ING5: variants seen among roughly 807,000 people sequenced by gnomAD.
The protein encoded by ING5 is inhibitor of growth family member 5.
ING5 carries 17 observed loss-of-function variants against 37.4 expected under a neutral mutation model. The ratio of observed to expected loss-of-function variants is 0.45; its 90% CI spans 0.31 to 0.68. The LOEUF (loss-of-function observed/expected upper bound fraction) is 0.68. Among genes scored for constraint, ING5 ranks in the 30% least tolerant of loss-of-function variants. ING5 has a pLI of 0.05. For synonymous variants in ING5, 123 were observed against 116.6 expected (o/e 1.06, Z -0.36); for missense variants, 233 against 311.9 (o/e 0.75, Z 1.91).
chr2:241,710,903 G>A (rs974814773), intron 3 of ING5, among the ~76,000 whole-genome samples: 12 of 151,876 alleles, frequency 7.9e-5, no homozygotes, highest in African/African-American at 2.4e-4. Context: ...GTGAGCCACC[G>A]CGCCTGCCCT....
At chr2:241,696,843 G>A (rs2069636818) in intron 2 of ING5, among the ~76,000 whole-genome samples, 2 of 152,108 alleles carry the variant, frequency 1.3e-5, no homozygotes. Context: ...CAGCACTTTG[G>A]GAGGCCGAGG....
At chr2:241,724,649 G>A (rs1160111597) in intron 7 of ING5, 1 of 363,026 alleles carries the variant, frequency 2.8e-6, no homozygotes, top group East Asian at 5.6e-5. Flanking sequence ...CGCGTGCTTG[G>A]TACCTGCAGC....
chr2:241,709,432 C>T, intron 3 of ING5, 50 bp downstream of exon 3: 1 of 1,525,194 alleles, frequency 6.6e-7, no homozygotes, highest in Non-Finnish European at 8.9e-7. Flanking sequence ...CTACTCCTGC[C>T]TCTCATGCAA....
At chr2:241,687,607 A>T (rs969727680) in exon 1 of ING5, 2 of 336,022 alleles carry the variant, frequency 6.0e-6, no homozygotes, top group African/African-American at 4.3e-5. Context: ...TGCTCACTGC[A>T]ACCTCCGCCT....
rs1322172970 is a variant in ING5 at position 241,725,000 on chromosome 2, G to A, written c.692G>A (p.Arg231Gln). The change falls in exon 8 of 8, where the codon CGG becomes CAG. Residue 231 changes from arginine (R) to glutamine (Q), a missense_variant. Transcript: ENST00000313552. ...CTTTCTTGTCACAGGTTCTGTCCAC[G>A]GTGTGTCCAGGAAAAGAGGAAGAAG... Reference protein sequence around the residue: ...TKPKGKWFCPRCVQEKRKKK With the variant: ...TKPKGKWFCPQCVQEKRKKK 1 of 1,614,108 alleles carries A rather than the reference G, an allele frequency of 6.2e-7. No homozygotes were observed. The highest frequency in any genetic ancestry group is 1.7e-5 in the Admixed American group (1 of 60,026).
intron 5 of ING5, among the ~76,000 whole-genome samples, chr2:241,714,032 G>C (rs1219720720): frequency 6.6e-6 from 1 of 151,718 alleles, no homozygotes; most frequent in Non-Finnish European, 1.5e-5. Flanking sequence ...TTGTAAAGTA[G>C]TGCACAGATA....
At position 241,713,159 on chromosome 2, in the gene ING5, C is replaced by T. The variant is rs186036748; in HGVS notation, c.482+1088C>T. Among the ~76,000 whole-genome samples the T allele has an allele frequency of 2.9e-4, 44 of 150,766 alleles. 1 individual carries two copies. The East Asian group carries it at 5.6e-3, about 19-fold the overall frequency. ...GCAACCTCTGCCTCCCAGGTTCAAG[C>T]GATTCTCCTGCCTCACCCTCCTGGA... On this transcript the variant is annotated intron_variant, in intron 5 of 7. Transcript: ENST00000313552.
At position 241,704,650 on chromosome 2, in the gene ING5, C is replaced by T. The variant is rs1400851954; in HGVS notation, c.38-3C>T. 1 of 1,613,594 alleles carries T rather than the reference C, an allele frequency of 6.2e-7. No individual in the cohort carries two copies. The highest frequency in any genetic ancestry group is 8.5e-7 in the Non-Finnish European group (1 of 1,179,528). On this transcript the variant is annotated splice_polypyrimidine_tract_variant and splice_region_variant and intron_variant, in intron 1 of 7. Coordinates refer to ENST00000313552, the MANE Select transcript of ING5 (RefSeq NM_032329.6). ...ACATGGCTTCTGTGTTTTTGCGTTT[C>T]AGGTATCGAGAACCTTCCCTGCGAA...
rs1240775642 is a variant in ING5 at position 241,725,664 on chromosome 2, C to A, written c.*633C>A. 6.6e-6 allele frequency: 1 copy of A among 152,654 alleles called. No individual in the cohort carries two copies. The highest frequency in any genetic ancestry group is 1.5e-5 in the Non-Finnish European group (1 of 68,044). 9.5% of individuals were successfully genotyped at this position (152,654 alleles called of 1,614,324 possible). ...ACTTCAGTCCTCCCTCGGGGACTCA[C>A]CTCCGGAGTAAACGGCTCTTCATTA... On this transcript the variant is annotated 3_prime_UTR_variant, in exon 8 of 8. Transcript: ENST00000313552.
At chr2:241,710,254 C>A (rs984874246) in intron 3 of ING5, among the ~76,000 whole-genome samples, 1 of 151,232 alleles carries the variant, frequency 6.6e-6, no homozygotes, top group Non-Finnish European at 1.5e-5. Flanking sequence ...TTACAGTCAC[C>A]CACCACGAAG....
rs1315569896 is a variant in ING5 at position 241,728,621 on chromosome 2, G to A, written c.*3590G>A. The A allele has an allele frequency of 2.6e-5, 4 of 152,570 alleles. No individual in the cohort carries two copies. Among genetic ancestry groups the A allele is most frequent in the Admixed American group, 6.5e-5 (1 of 15,282 alleles). 9.5% of individuals were successfully genotyped at this position (152,570 alleles called of 1,614,324 possible). On this transcript the variant is annotated 3_prime_UTR_variant, in exon 8 of 8. Transcript: ENST00000313552. ...GAATGTGCCCTAGGTGCTGCTGCTGGGGACATGGATGCCAAGCGGAGGCCT... is the reference window on the plus strand; with the variant it reads ...GAATGTGCCCTAGGTGCTGCTGCTGAGGACATGGATGCCAAGCGGAGGCCT...
intron 6 of ING5, 46 bp from the exon 7 acceptor site, chr2:241,723,164 C>A: frequency 6.2e-7 from 1 of 1,613,372 alleles, no homozygotes; most frequent in Non-Finnish European, 8.5e-7. Context: ...GTTTTGCATA[C>A]AGAACATGAG....
chr2:241,703,710 A>G lies in ING5; in HGVS notation c.38-943A>G, dbSNP rs999999993. Reference sequence around the variant, plus strand: ...AACCTCCACCTCCCAGGTTCAAGCAATTCTCATGCCCTAGCCTCTCGAGTA... The same window carrying G: ...AACCTCCACCTCCCAGGTTCAAGCAGTTCTCATGCCCTAGCCTCTCGAGTA... On this transcript the variant is annotated intron_variant, in intron 1 of 7. Transcript: ENST00000313552. 2.6e-5 allele frequency among the ~76,000 whole-genome samples: 4 copies of G among 152,072 alleles called. No homozygotes were observed. The East Asian group carries it at 7.7e-4, about 29-fold the overall frequency.
At chr2:241,698,267 A>C (rs2069659551), upstream of ING5, among the ~76,000 whole-genome samples, 1 of 151,746 alleles carries the variant, frequency 6.6e-6, no homozygotes, top group Admixed American at 6.6e-5. Flanking sequence ...ACACGGTGAA[A>C]CCCCCGTCTC....
intron 2 of ING5, among the ~76,000 whole-genome samples, chr2:241,708,198 C>T (rs1461268884): frequency 1.4e-5 from 2 of 145,392 alleles, no homozygotes; most frequent in African/African-American, 5.1e-5. Context: ...GCATGGCCTT[C>T]AACAGTTTTC....
At chr2:241,710,090 G>A (rs1044120797) in intron 3 of ING5, among the ~76,000 whole-genome samples, 4 of 144,328 alleles carry the variant, frequency 2.8e-5, no homozygotes, top group Non-Finnish European at 6.2e-5. Flanking sequence ...TTACAGGCAT[G>A]CAGTAGCCAT....
At chr2:241,701,257 C>T (rs2069718634), upstream of ING5, among the ~76,000 whole-genome samples, 1 of 152,240 alleles carries the variant, frequency 6.6e-6, no homozygotes, top group South Asian at 2.1e-4. Context: ...CGCCAGCGCG[C>T]CGGCCTTCTC....
At chr2:241,713,775 G>A (rs1365497393) in intron 5 of ING5, among the ~76,000 whole-genome samples, 1 of 151,934 alleles carries the variant, frequency 6.6e-6, no homozygotes, top group Non-Finnish European at 1.5e-5. Flanking sequence ...AATCACCTGA[G>A]GTCAGGAGTT....
intron 7 of ING5, chr2:241,723,785 C>T (rs1270168603): frequency 6.3e-7 from 1 of 1,598,144 alleles, no homozygotes; most frequent in South Asian, 1.1e-5. Context: ...CATTGTTGTT[C>T]CTCAGATTTC....
Sources: gnomAD v4.1 joint callset for allele counts (sites outside exome capture counted in the v4.1 genomes callset) on GRCh38, gnomAD v4.1.1 for gene constraint, MANE v1.5 for transcripts, NCBI Gene and HGNC (gene_info 2026-07-23, HGNC 2026-07-21) for gene names.